The following COTL1 variants were observed in gnomAD, a reference collection of about 807,000 sequenced individuals.
COTL1 encodes coactosin like F-actin binding protein 1, also known as coactosin-like protein.
In COTL1, 15 loss-of-function variants were observed where a neutral mutation model predicts 16.5. The observed-to-expected ratio is 0.91, with a 90% confidence interval of 0.61 to 1.40. COTL1 has a LOEUF of 1.40. COTL1 is among the 40% of genes most tolerant of loss of function. COTL1 has a pLI of 0.00. For synonymous variants in COTL1, 112 were observed against 85.3 expected (o/e 1.31, Z -1.73); for missense variants, 220 against 201.5 (o/e 1.09, Z -0.56).
At chr16:84,611,279 C>G (rs1324769454) in intron 2 of COTL1, among the ~76,000 whole-genome samples, 1 of 152,212 alleles carries the variant, frequency 6.6e-6, no homozygotes, top group Non-Finnish European at 1.5e-5. Context: ...TAAAATAAAA[C>G]TGCTTGCAAC....
At chr16:84,588,589 C>T (rs1040149729) in intron 3 of COTL1, among the ~76,000 whole-genome samples, 1 of 152,220 alleles carries the variant, frequency 6.6e-6, no homozygotes, top group African/African-American at 2.4e-5. Context: ...TGGCTCACTG[C>T]AGCCTCGCCC....
chr16:84,569,696 C>A (rs1904314601), intron 3 of COTL1, among the ~76,000 whole-genome samples: 1 of 152,192 alleles, frequency 6.6e-6, no homozygotes, highest in African/African-American at 2.4e-5. Flanking sequence ...TGTTCCCACC[C>A]CACTACAGTG....
At chr16:84,609,698 C>T (rs942516507) in intron 2 of COTL1, among the ~76,000 whole-genome samples, 1 of 152,204 alleles carries the variant, frequency 6.6e-6, no homozygotes, top group African/African-American at 2.4e-5. Context: ...AGATAATTGA[C>T]TCAGGGGGGC....
At chr16:84,616,086 T>G (rs1905474202) in intron 2 of COTL1, 1 of 152,192 alleles carries the variant, frequency 6.6e-6, no homozygotes, top group African/African-American at 2.4e-5. Flanking sequence ...ATTTTATACA[T>G]ACTGACTCAC....
At chr16:84,573,190 A>G (rs574238293) in intron 3 of COTL1, among the ~76,000 whole-genome samples, 1 of 152,382 alleles carries the variant, frequency 6.6e-6, no homozygotes, top group South Asian at 2.1e-4. Flanking sequence ...GCTAAAAGGT[A>G]CTGACGAGGT....
At chr16:84,608,550 G>C (rs1254481222) in intron 2 of COTL1, among the ~76,000 whole-genome samples, 2 of 152,248 alleles carry the variant, frequency 1.3e-5, no homozygotes, top group Non-Finnish European at 2.9e-5. Flanking sequence ...GGCAATGGGA[G>C]ACTGGATAGT....
At chr16:84,582,037 G>A (rs1198385736) in intron 3 of COTL1, among the ~76,000 whole-genome samples, 3 of 106,658 alleles carry the variant, frequency 2.8e-5, no homozygotes, top group Non-Finnish European at 5.3e-5. Context: ...CCAGGCTGGA[G>A]TGCAGTGGTG....
Position 84,590,520 on chromosome 16 carries a change from C to G in COTL1, c.161-258G>C, listed in dbSNP as rs1904837778. On this transcript the variant is annotated intron_variant, in intron 2 of 3. Transcript: ENST00000262428. This position sits in a 1 kb window ranked among gnomAD's most constrained non-coding sequence, Gnocchi z 5.5. The stretch of plus-strand genomic sequence containing the variant: ...ATGGGAAATGGAGATTCAGAGAAGT[C>G]ACATGGCACTTTCAAGGTTGTGAGG... The G allele has an allele frequency of 2.9e-6, 1 of 339,916 alleles. No homozygotes were observed. Among genetic ancestry groups the G allele is most frequent in the African/African-American group, 2.1e-5 (1 of 47,536 alleles). 21.1% of individuals were successfully genotyped at this position (339,916 alleles called of 1,614,324 possible).
At chr16:84,567,168 G>C in intron 3 of COTL1, 1 of 520,776 alleles carries the variant, frequency 1.9e-6, no homozygotes. Context: ...ACCTGACTGG[G>C]AGGAGGGAGT....
At chr16:84,597,074 T>C (rs1905020864) in intron 2 of COTL1, among the ~76,000 whole-genome samples, 1 of 152,218 alleles carries the variant, frequency 6.6e-6, no homozygotes, top group South Asian at 2.1e-4. Flanking sequence ...GGGTGCTTCA[T>C]GCTCTGAGCC....
chr16:84,580,636 GT>G (rs1567532709), intron 3 of COTL1, among the ~76,000 whole-genome samples: 1 of 152,032 alleles, frequency 6.6e-6, no homozygotes, highest in African/African-American at 2.4e-5. Flanking sequence ...GTGGCCTCCA[GT>G]CCCCCACCAT....
chr16:84,607,818 G>A (rs1905244108), intron 2 of COTL1, among the ~76,000 whole-genome samples: 1 of 152,164 alleles, frequency 6.6e-6, no homozygotes, highest in South Asian at 2.1e-4. Flanking sequence ...ACTTGGCAAA[G>A]GGCTTGGGGC....
At chr16:84,614,385 C>T (rs2967871) in intron 2 of COTL1, among the ~76,000 whole-genome samples, 110,571 of 151,690 alleles carry the variant, frequency 0.73, 43,155 homozygotes, top group Non-Finnish European at 0.87. Context: ...CACAGACACC[C>T]CGTGGCCCTC....
intron 2 of COTL1, among the ~76,000 whole-genome samples, chr16:84,613,054 A>T (rs112857010): frequency 6.7e-6 from 1 of 149,794 alleles, no homozygotes; most frequent in African/African-American, 2.5e-5. Context: ...AGGCTAGAGT[A>T]CAACAGCGCG....
Position 84,581,161 on chromosome 16 carries a change from A to ATG in COTL1, c.318+8943_318+8944insCA, listed in dbSNP as rs1399269886. Among the ~76,000 whole-genome samples the ATG allele has an allele frequency of 3.0e-3, 448 of 151,008 alleles. 5 individuals are homozygous for ATG. Among genetic ancestry groups the ATG allele is most frequent in the African/African-American group, 0.01 (423 of 40,842 alleles). ...CATCTAAAAACAAACAAACAAACAA[A>ATG]TAAATATATGTATGTATGTATGTAT... is the stretch of plus-strand genomic sequence containing the variant. On this transcript the variant is annotated intron_variant, in intron 3 of 3. Transcript: ENST00000262428.
At chr16:84,610,402 G>A (rs1193960600) in intron 2 of COTL1, among the ~76,000 whole-genome samples, 4 of 152,178 alleles carry the variant, frequency 2.6e-5, no homozygotes, top group Non-Finnish European at 5.9e-5. Flanking sequence ...CCACCACCAG[G>A]CTCTGTTCCT....
intron 2 of COTL1, among the ~76,000 whole-genome samples, chr16:84,592,344 G>A (rs954081557): frequency 2.0e-5 from 3 of 152,176 alleles, no homozygotes; most frequent in African/African-American, 7.2e-5. Flanking sequence ...GGATGCCACT[G>A]GTTTGGAGTC....
chr16:84,603,668 T>C (rs1905148911), intron 2 of COTL1, among the ~76,000 whole-genome samples: 1 of 151,776 alleles, frequency 6.6e-6, no homozygotes, highest in South Asian at 2.1e-4. Context: ...ATGGAGGCAG[T>C]GGGGGAGCCG....
At chr16:84,586,239 C>T (rs753556909) in intron 3 of COTL1, among the ~76,000 whole-genome samples, 1 of 152,178 alleles carries the variant, frequency 6.6e-6, no homozygotes, top group Non-Finnish European at 1.5e-5. Context: ...ACACCTAAAG[C>T]CGAAACCCCT....
Sources: allele counts gnomAD v4.1 joint callset (sites outside exome capture counted in the v4.1 genomes callset), GRCh38; gene constraint gnomAD v4.1.1; non-coding constraint Gnocchi (gnomAD v3.1); transcripts MANE v1.5; gene names NCBI Gene and HGNC (gene_info 2026-07-23, HGNC 2026-07-21).